The following VDAC1 variants were observed in gnomAD, a reference collection of about 807,000 sequenced individuals.
VDAC1 encodes the protein non-selective voltage-gated ion channel VDAC1.
A neutral mutation model predicts 34.7 loss-of-function variants in VDAC1; 10 were observed. The observed-to-expected ratio is 0.29, with a 90% CI of 0.18 to 0.49. VDAC1 has a LOEUF of 0.49. Among genes scored for constraint, VDAC1 ranks in the 20% least tolerant of loss-of-function variants. VDAC1 has a pLI of 0.99. For synonymous variants in VDAC1, 130 were observed against 136.0 expected (o/e 0.96, Z 0.30); for missense variants, 230 against 347.9 (o/e 0.66, Z 2.69).
the VDAC1 span, among the ~76,000 whole-genome samples, chr5:134,071,706 C>G: frequency 1.4e-4 from 22 of 152,200 alleles, no homozygotes; most frequent in Non-Finnish European, 3.1e-4. This position sits in a 1 kb window ranked among gnomAD's most constrained non-coding sequence, Gnocchi z 4.1. Flanking sequence ...TTCTCTGCCC[C>G]CACCCCCACC....
chr5:134,059,972 G>A, the VDAC1 span, among the ~76,000 whole-genome samples: 6 of 151,664 alleles, frequency 4.0e-5, 1 homozygote, highest in Non-Finnish European at 8.9e-5. Context: ...CCACCCCCAG[G>A]ACTCTGAGCA....
the VDAC1 span, among the ~76,000 whole-genome samples, chr5:134,040,880 C>T: frequency 6.6e-6 from 1 of 152,118 alleles, no homozygotes. Context: ...CTTTAACTTC[C>T]CAGGAATTAC....
At chr5:134,000,337 C>T (rs150069937) in intron 1 of VDAC1, among the ~76,000 whole-genome samples, 250 of 152,334 alleles carry the variant, frequency 1.6e-3, no homozygotes, top group African/African-American at 5.8e-3. Flanking sequence ...TTTTGAAACA[C>T]CCTGGCAGCT....
chr5:134,077,241 C>T, the VDAC1 span, among the ~76,000 whole-genome samples: 3 of 141,250 alleles, frequency 2.1e-5, no homozygotes, highest in Admixed American at 7.8e-5. Context: ...TGCATCGCTG[C>T]ACTCCAGGCT....
upstream of VDAC1, among the ~76,000 whole-genome samples, chr5:134,005,803 A>C (rs929198425): frequency 6.6e-6 from 1 of 152,226 alleles, no homozygotes; most frequent in Non-Finnish European, 1.5e-5. Context: ...TTCGAGAATT[A>C]ATTCGTAGAT....
chr5:133,987,361 A>G (rs1409696243), intron 5 of VDAC1, among the ~76,000 whole-genome samples: 1 of 148,398 alleles, frequency 6.7e-6, no homozygotes. Flanking sequence ...ACCCCATCTC[A>G]TAAAAACAAA....
chr5:134,100,669 C>CGA, the VDAC1 span, among the ~76,000 whole-genome samples: 1 of 152,178 alleles, frequency 6.6e-6, no homozygotes, highest in African/African-American at 2.4e-5. Flanking sequence ...CAGAGCCGGC[C>CGA]GAGACTCCGT....
chr5:134,096,829 T>C, the VDAC1 span, among the ~76,000 whole-genome samples: 1 of 152,172 alleles, frequency 6.6e-6, no homozygotes, highest in African/African-American at 2.4e-5. Context: ...CTGAGTTCAA[T>C]CTGCCTGCCT....
chr5:133,978,055 TG>T (rs1414659178), intron 6 of VDAC1, among the ~76,000 whole-genome samples: 1 of 152,122 alleles, frequency 6.6e-6, no homozygotes, highest in East Asian at 1.9e-4. Context: ...TGGTTAACTG[TG>T]AGTCAGAGCC....
the VDAC1 span, among the ~76,000 whole-genome samples, chr5:134,034,825 A>G: frequency 2.2e-4 from 33 of 151,834 alleles, no homozygotes; most frequent in Non-Finnish European, 4.0e-4. Flanking sequence ...GAAAGGAGCA[A>G]GGTTAAAATG....
chr5:134,100,507 C>T, the VDAC1 span, among the ~76,000 whole-genome samples: 1 of 152,162 alleles, frequency 6.6e-6, no homozygotes, highest in Non-Finnish European at 1.5e-5. Context: ...ATCTGGGCTC[C>T]CTGCAGCCTG....
the VDAC1 span, among the ~76,000 whole-genome samples, chr5:134,044,450 A>G: frequency 2.0e-5 from 3 of 152,146 alleles, no homozygotes; most frequent in Admixed American, 2.0e-4. Context: ...CAGCTAAGGG[A>G]TTTTTATGGA....
At chr5:134,054,611 C>T in the VDAC1 span, among the ~76,000 whole-genome samples, 5 of 152,052 alleles carry the variant, frequency 3.3e-5, no homozygotes, top group East Asian at 7.7e-4. Flanking sequence ...AGGCGCCCAT[C>T]GTCATGCCTA....
chr5:134,090,958 T>C, the VDAC1 span, among the ~76,000 whole-genome samples: 1 of 152,190 alleles, frequency 6.6e-6, no homozygotes, highest in Non-Finnish European at 1.5e-5. Context: ...AGAGACTTCA[T>C]ACAGCTGGTC....
chr5:134,114,283 G>A, the VDAC1 span, among the ~76,000 whole-genome samples: 1 of 152,074 alleles, frequency 6.6e-6, no homozygotes, highest in Non-Finnish European at 1.5e-5. Flanking sequence ...CAAGCCCTAG[G>A]AAGCCCCCAG....
chr5:133,989,957 C>T (rs567569604), intron 5 of VDAC1, among the ~76,000 whole-genome samples: 5 of 152,324 alleles, frequency 3.3e-5, no homozygotes, highest in East Asian at 1.9e-4. Context: ...CCACCACGCC[C>T]GGCCCACAAT....
At chr5:133,975,788 C>T (rs1034473402) in intron 7 of VDAC1, 83 bp downstream of exon 7, 4 of 1,572,216 alleles carry the variant, frequency 2.5e-6, no homozygotes, top group East Asian at 4.5e-5. Flanking sequence ...AGCTGAAGCA[C>T]AGCACTCCAG....
At chr5:134,017,710 A>G in the VDAC1 span, among the ~76,000 whole-genome samples, 4 of 151,980 alleles carry the variant, frequency 2.6e-5, no homozygotes, top group East Asian at 1.9e-4. Context: ...TCAGGAGATC[A>G]AGACCATCCT....
At chr5:134,096,176 G>A in the VDAC1 span, among the ~76,000 whole-genome samples, 3 of 152,164 alleles carry the variant, frequency 2.0e-5, no homozygotes, top group Non-Finnish European at 2.9e-5. Flanking sequence ...TGACTCCCCC[G>A]CCTTGGTTCC....
Sources: gnomAD v4.1 joint callset for allele counts (sites outside exome capture counted in the v4.1 genomes callset) on GRCh38, gnomAD v4.1.1 for gene constraint, Gnocchi (gnomAD v3.1) non-coding constraint, MANE v1.5 for transcripts, NCBI Gene and HGNC (gene_info 2026-07-23, HGNC 2026-07-21) for gene names.